Variants in CBR4 observed in about 807,000 individuals in gnomAD.
CBR4 encodes the protein 3-oxoacyl-[acyl-carrier-protein] reductase.
CBR4 carries 22 observed loss-of-function variants against 21.0 expected under a neutral mutation model. The ratio of observed to expected loss-of-function variants is 1.05; its 90% confidence interval spans 0.75 to 1.50. CBR4 has a LOEUF of 1.50. CBR4 is among the 40% of genes most tolerant of loss of function. The probability of loss-of-function intolerance (pLI) is 0.00; values close to 1 mark genes in which losing one functional copy is unlikely to be tolerated. For missense variants in CBR4, 302 were observed against 286.3 expected (o/e 1.05, Z -0.40); for synonymous variants, 100 against 104.4 (o/e 0.96, Z 0.26).
chr4:168,976,748 C>T (rs1009140011), intron 2 of CBR4, among the ~76,000 whole-genome samples: 6 of 151,968 alleles, frequency 3.9e-5, no homozygotes, highest in Admixed American at 6.6e-5. Context: ...ATCGCAAGGG[C>T]GGGGAGGGTG....
In CBR4 at chr4:168,988,573, G is replaced by C; in HGVS notation, c.*1577C>G. On this transcript the variant is annotated 3_prime_UTR_variant, in exon 5 of 5. Coordinates refer to ENST00000306193, the MANE Select transcript of CBR4 (RefSeq NM_032783.5). Reference sequence around the variant, plus strand: ...CTGAATAAGCTCCCCTACCTTACAAGCATCAACTACTACATTGAAACCATT... The same window carrying C: ...CTGAATAAGCTCCCCTACCTTACAACCATCAACTACTACATTGAAACCATT... The C allele has an allele frequency of 1.0e-6, 1 of 985,394 alleles. No homozygotes were observed. Among genetic ancestry groups the C allele is most frequent in the Non-Finnish European group, 1.2e-6 (1 of 829,902 alleles). 61.0% of individuals were successfully genotyped at this position (985,394 alleles called of 1,614,324 possible). A position where few individuals can be genotyped will look rare whatever the true frequency, so the allele number is the denominator to read the frequency against.
downstream of CBR4, among the ~76,000 whole-genome samples, chr4:168,985,010 TTGA>T (rs540931894): frequency 6.6e-6 from 1 of 152,098 alleles, no homozygotes; most frequent in Non-Finnish European, 1.5e-5. Flanking sequence ...AGGTAAAAAC[TTGA>T]TGAAGATTCC....
intron 2 of CBR4, among the ~76,000 whole-genome samples, chr4:168,961,169 C>A (rs1262996713): frequency 6.6e-6 from 1 of 152,164 alleles, no homozygotes; most frequent in African/African-American, 2.4e-5. Context: ...CTATGACTGG[C>A]ACTAACTCTG....
In CBR4 at chr4:168,897,965, A is replaced by AT. The variant is rs146746895; in HGVS notation, n.170-3201dup. The AT allele has an allele frequency of 5.4e-3, 795 of 146,950 alleles. 7 individuals are homozygous for AT. The highest frequency in any genetic ancestry group is 0.015 in the Admixed American group (215 of 14,752). 9.1% of individuals were successfully genotyped at this position (146,950 alleles called of 1,614,324 possible). A position where few individuals can be genotyped will look rare whatever the true frequency, so the allele number is the denominator to read the frequency against. On this transcript the variant is annotated intron_variant and non_coding_transcript_variant, in intron 2 of 3. Coordinates refer to the CBR4 transcript ENST00000509108. ...TAGAGGTGGGGGAAAAAAAACAAAC[A>AT]TTTTTTTTTTTCTATTATTCTTTTA...
intron 2 of CBR4, among the ~76,000 whole-genome samples, chr4:168,942,376 T>A (rs942491599): frequency 9.2e-5 from 14 of 151,852 alleles, no homozygotes; most frequent in Non-Finnish European, 1.6e-4. Flanking sequence ...GTTCTGCACA[T>A]GTAATCCCAG....
chr4:168,984,635 G>A (rs1312176085), downstream of CBR4, among the ~76,000 whole-genome samples: 8 of 152,114 alleles, frequency 5.3e-5, no homozygotes, highest in Non-Finnish European at 8.8e-5. Flanking sequence ...CAAAGCTGGA[G>A]GCATCACACT....
chr4:168,949,380 T>C (rs1035732984), intron 2 of CBR4, among the ~76,000 whole-genome samples: 3 of 152,196 alleles, frequency 2.0e-5, no homozygotes, highest in African/African-American at 7.2e-5. Flanking sequence ...CTGATTGCTC[T>C]GGCTAGGATT....
chr4:168,922,102 TACACACAC>T (rs35503011), intron 2 of CBR4, among the ~76,000 whole-genome samples: 30 of 132,630 alleles, frequency 2.3e-4, no homozygotes, highest in African/African-American at 3.1e-4. Context: ...TATATATATA[TACACACAC>T]ACACACACAC....
chr4:168,927,800 A>AATT, intron 2 of CBR4: 1 of 216,892 alleles, frequency 4.6e-6, no homozygotes, highest in Non-Finnish European at 9.3e-6. Flanking sequence ...GGAACCGATA[A>AATT]ATTTTAAAAA....
Position 168,948,656 on chromosome 4 carries a change from C to T in CBR4, n.169+53415G>A, listed in dbSNP as rs568340907. The stretch of plus-strand genomic sequence containing the variant: ...CCCACTTTGTTTTTGTGTGCTTTGT[C>T]GAAGATCAGTTGGCTGTTAAGTATT... On this transcript the variant is annotated intron_variant and non_coding_transcript_variant, in intron 2 of 3. Transcript: ENST00000509108. Among the ~76,000 whole-genome samples the T allele has an allele frequency of 3.9e-5, 6 of 152,070 alleles. No individual in the cohort carries two copies. The South Asian group carries it at 1.0e-3, about 26-fold the overall frequency.
At chr4:169,006,087 T>C (rs965322290) in intron 3 of CBR4, among the ~76,000 whole-genome samples, 3 of 152,210 alleles carry the variant, frequency 2.0e-5, no homozygotes, top group Non-Finnish European at 2.9e-5. Context: ...GTTACTTACA[T>C]CCATTCTTAA....
At chr4:168,981,341 G>A (rs1471111562) in intron 2 of CBR4, among the ~76,000 whole-genome samples, 1 of 152,146 alleles carries the variant, frequency 6.6e-6, no homozygotes, top group Non-Finnish European at 1.5e-5. Flanking sequence ...AGAGGTAGCA[G>A]TGAGCCGAGA....
downstream of CBR4, among the ~76,000 whole-genome samples, chr4:168,985,262 A>G (rs1764652410): frequency 3.9e-5 from 6 of 152,214 alleles, no homozygotes; most frequent in South Asian, 1.2e-3. Context: ...AAGAAGACAT[A>G]CGTGCAGCCA....
intron 2 of CBR4, among the ~76,000 whole-genome samples, chr4:168,929,755 T>G (rs1762912967): frequency 6.6e-6 from 1 of 152,204 alleles, no homozygotes; most frequent in Non-Finnish European, 1.5e-5. Context: ...AAATGGAGAT[T>G]AAAATAGCAC....
At chr4:168,977,752 C>A (rs758432208) in intron 2 of CBR4, among the ~76,000 whole-genome samples, 9 of 152,220 alleles carry the variant, frequency 5.9e-5, no homozygotes, top group Non-Finnish European at 1.3e-4. Context: ...CAAACCTGCT[C>A]TTATGCAGTG....
intron 2 of CBR4, among the ~76,000 whole-genome samples, chr4:168,974,757 T>C (rs1311791575): frequency 2.6e-5 from 4 of 152,202 alleles, no homozygotes; most frequent in African/African-American, 9.6e-5. Context: ...AGATTATGAT[T>C]GTCTTTTCTT....
At chr4:168,910,329 GCCA>G (rs1758670847) in intron 2 of CBR4, among the ~76,000 whole-genome samples, 1 of 149,552 alleles carries the variant, frequency 6.7e-6, no homozygotes, top group Non-Finnish European at 1.5e-5. Flanking sequence ...ATCAAATGCA[GCCA>G]TCACACTAAC....
At chr4:168,933,214 TTGAA>T (rs753156914) in intron 2 of CBR4, among the ~76,000 whole-genome samples, 1 of 151,836 alleles carries the variant, frequency 6.6e-6, no homozygotes, top group Admixed American at 6.6e-5. Context: ...TTAAAAGACG[TTGAA>T]TGAATGAATG....
intron 2 of CBR4, among the ~76,000 whole-genome samples, chr4:168,946,007 T>C (rs1763387959): frequency 6.6e-6 from 1 of 152,192 alleles, no homozygotes; most frequent in African/African-American, 2.4e-5. Context: ...TAGTTGATTT[T>C]GGTACTTCTG....
Sources: allele counts gnomAD v4.1 joint callset (sites outside exome capture counted in the v4.1 genomes callset), GRCh38; gene constraint gnomAD v4.1.1; transcripts MANE v1.5; gene names NCBI Gene and HGNC (gene_info 2026-07-23, HGNC 2026-07-21).